Variants in POU4F3 observed in about 807,000 individuals in gnomAD.
POU4F3 encodes POU class 4 homeobox 3, also known as POU domain, class 4, transcription factor 3.
POU4F3 carries 7 observed loss-of-function variants against 22.0 expected under a neutral mutation model. The ratio of observed to expected loss-of-function variants is 0.32; its 90% CI spans 0.18 to 0.60. POU4F3 has a LOEUF of 0.60. Among genes scored for constraint, POU4F3 ranks in the 20% least tolerant of loss-of-function variants. The pLI is 0.85. For missense variants in POU4F3, 457 were observed against 467.4 expected (o/e 0.98, Z 0.21); for synonymous variants, 220 against 194.5 (o/e 1.13, Z -1.09).
rs1310448668 is a variant in POU4F3, at chr5:146,338,946, C to A, written c.-167C>A. The A allele has an allele frequency of 2.6e-6, 3 of 1,171,422 alleles. No individual in the cohort carries two copies. Among genetic ancestry groups the A allele is most frequent in the Non-Finnish European group, 3.7e-6 (3 of 818,806 alleles). 72.6% of individuals were successfully genotyped at this position (1,171,422 alleles called of 1,614,324 possible). On this transcript the variant is annotated 5_prime_UTR_variant, in exon 1 of 2. Coordinates refer to ENST00000646991, the MANE Select transcript of POU4F3 (RefSeq NM_002700.3). ...CTGCGCGCGCCCGGGCCCTTCCTGG[C>A]AGGCTGCTTGTAAGATGAGTGAAGA...
chr5:146,340,544 G>A lies in POU4F3; in HGVS notation c.*100G>A. On this transcript the variant is annotated 3_prime_UTR_variant, in exon 2 of 2. Transcript: ENST00000646991. The stretch of plus-strand genomic sequence containing the variant: ...GGAACTCCAAGGCGTTTCCTAGGCA[G>A]GTTAGGCTCTCTCCTCCGAAGCCAC... 6.8e-7 allele frequency: 1 copy of A among 1,472,818 alleles called. No homozygotes were observed. Among genetic ancestry groups the A allele is most frequent in the Non-Finnish European group, 9.3e-7 (1 of 1,073,638 alleles). The allele number at this position is 1,472,818 out of a possible 1,614,324, so 91.2% of individuals were successfully genotyped here. A position where few individuals can be genotyped will look rare whatever the true frequency, so the allele number is the denominator to read the frequency against.
Position 146,339,167 on chromosome 5 carries a change from C to A in POU4F3, c.55C>A (p.Pro19Thr). The change falls in exon 1 of 2, where the codon CCC becomes ACC. Residue 19 changes from proline (P) to threonine (T), a missense_variant. Pro to Thr is a conservative substitution (Grantham distance 38, BLOSUM62 -1). Around this residue, in one of 2 missense-constraint regions of POU4F3, gnomAD observed 410 missense variants for 385.0 expected, o/e 1.06. Coordinates refer to ENST00000646991, the MANE Select transcript of POU4F3 (RefSeq NM_002700.3). The surrounding 1 kb of genome is among the most constrained non-coding windows in gnomAD (Gnocchi z 4.7). ...CGGCATGCACCCGGTGCTGCAAGAA[C>A]CCAAATTCTCCAGTCTGCACTCTGG... The part of the protein sequence containing the change: ...PFGMHPVLQE[P>T]KFSSLHSGSE... 6.2e-7 allele frequency: 1 copy of A among 1,614,236 alleles called. No individual in the cohort carries two copies. The highest frequency in any genetic ancestry group is 8.5e-7 in the Non-Finnish European group (1 of 1,180,040).
chr5:146,340,754 CA>C lies in POU4F3; in HGVS notation c.*313del, dbSNP rs1760445377. 1 of 461,506 alleles carries C rather than the reference CA, an allele frequency of 2.2e-6. No individual in the cohort carries two copies. Among genetic ancestry groups the C allele is most frequent in the African/African-American group, 2.0e-5 (1 of 50,790 alleles). The allele number at this position is 461,506 out of a possible 1,614,324, so 28.6% of individuals were successfully genotyped here. ...CCGCACGACTTCAGAGCAGGAGCCCCAAAGCAGAGGACAGTCAATTGGCCCA... is the reference window on the plus strand; with the variant it reads ...CCGCACGACTTCAGAGCAGGAGCCCCAAGCAGAGGACAGTCAATTGGCCCA... On this transcript the variant is annotated 3_prime_UTR_variant, in exon 2 of 2. Transcript: ENST00000646991.
chr5:146,339,966 T>G lies in POU4F3; in HGVS notation c.539T>G (p.Val180Gly), dbSNP rs1344742706. The change falls in exon 2 of 2, where the codon GTG (valine) becomes GGG (glycine). Residue 180 changes from valine (V) to glycine (G), a missense_variant. This residue lies in a region of POU4F3 where 410 missense variants were observed against 385.0 expected (regional missense o/e 1.06). Coordinates refer to ENST00000646991, the MANE Select transcript of POU4F3 (RefSeq NM_002700.3). This position sits in a 1 kb window ranked among gnomAD's most constrained non-coding sequence, Gnocchi z 4.7. ...GCCATGCCTGCATGCCTCAGCGACG[T>G]GGAGTCAGACCCGCGCGAGCTGGAA... is the stretch of plus-strand genomic sequence containing the variant. ...HSAMPACLSDVESDPRELEAF... is the reference protein window; with the variant it reads ...HSAMPACLSDGESDPRELEAF... 6.2e-7 allele frequency: 1 copy of G among 1,612,062 alleles called. No homozygotes were observed. Among genetic ancestry groups the G allele is most frequent in the Non-Finnish European group, 8.5e-7 (1 of 1,179,892 alleles).
In POU4F3 at chr5:146,340,529, G is replaced by T; in HGVS notation, c.*85G>T. 1 of 1,561,166 alleles carries T rather than the reference G, an allele frequency of 6.4e-7. No homozygotes were observed. The highest frequency in any genetic ancestry group is 1.1e-5 in the South Asian group (1 of 88,392). On this transcript the variant is annotated 3_prime_UTR_variant, in exon 2 of 2. Coordinates refer to ENST00000646991, the MANE Select transcript of POU4F3 (RefSeq NM_002700.3). Reference sequence around the variant, plus strand: ...GGGGGATGGTTATCGGGAACTCCAAGGCGTTTCCTAGGCAGGTTAGGCTCT... The same window carrying T: ...GGGGGATGGTTATCGGGAACTCCAATGCGTTTCCTAGGCAGGTTAGGCTCT...
chr5:146,340,008 T>A lies in POU4F3; in HGVS notation c.581T>A (p.Phe194Tyr), dbSNP rs1760429015. 1 of 1,613,618 alleles carries A rather than the reference T, an allele frequency of 6.2e-7. No individual in the cohort carries two copies. Among genetic ancestry groups the A allele is most frequent in the East Asian group, 2.2e-5 (1 of 44,862 alleles). The change falls in exon 2 of 2, where the codon TTC (phenylalanine) becomes TAC (tyrosine). Residue 194 changes from phenylalanine (F) to tyrosine (Y), a missense_variant. By Grantham distance (22) the Phe-to-Tyr change is conservative. Transcript: ENST00000646991. ...GAGCTGGAAGCCTTCGCCGAGCGCT[T>A]CAAGCAGCGGCGCATCAAGCTGGGG... Reference protein sequence around the residue: ...PRELEAFAERFKQRRIKLGVT... With the variant: ...PRELEAFAERYKQRRIKLGVT...
In POU4F3 at chr5:146,340,460, G is replaced by A. The variant is rs13169862; in HGVS notation, c.*16G>A. The stretch of plus-strand genomic sequence containing the variant: ...TGTCCACTGATTGCGGCAGGGCGCA[G>A]CGTCGGGAGCCGGGAGAGCCTAGTG... On this transcript the variant is annotated 3_prime_UTR_variant, in exon 2 of 2. Coordinates refer to ENST00000646991, the MANE Select transcript of POU4F3 (RefSeq NM_002700.3). 6.2e-7 allele frequency: 1 copy of A among 1,613,558 alleles called. No individual in the cohort carries two copies. Among genetic ancestry groups the A allele is most frequent in the South Asian group, 1.1e-5 (1 of 91,070 alleles).
In POU4F3 at chr5:146,340,783, C is replaced by A; in HGVS notation, c.*339C>A. On this transcript the variant is annotated 3_prime_UTR_variant, in exon 2 of 2. Transcript: ENST00000646991. Reference sequence around the variant, plus strand: ...GCAGAGGACAGTCAATTGGCCCAACCGCCCGAAGCTAGGGTGAAAATGCCA... The same window carrying A: ...GCAGAGGACAGTCAATTGGCCCAACAGCCCGAAGCTAGGGTGAAAATGCCA... 1 of 408,152 alleles carries A rather than the reference C, an allele frequency of 2.5e-6. No individual in the cohort carries two copies. The highest frequency in any genetic ancestry group is 4.6e-6 in the Non-Finnish European group (1 of 219,732). 25.3% of individuals were successfully genotyped at this position (408,152 alleles called of 1,614,324 possible).
chr5:146,339,848 C>A lies in POU4F3; in HGVS notation c.421C>A (p.Pro141Thr), dbSNP rs139312280. ...GGGCGCTCCGGAACACTCGGTGATG[C>A]CCGCACAGATCCATCCACACCACCT... ...GLGAPEHSVM[P>T]AQIHPHHLGA... Residue 141 changes from proline (P) to threonine (T), a missense_variant, in exon 2 of 2, where the codon CCC becomes ACC. Pro to Thr is a conservative substitution (Grantham distance 38). Transcript: ENST00000646991. This position sits in a 1 kb window ranked among gnomAD's most constrained non-coding sequence, Gnocchi z 4.7. 72 of 1,608,374 alleles carry A rather than the reference C, an allele frequency of 4.5e-5. No homozygotes were observed. The African/African-American group carries it at 7.5e-4, about 17-fold the overall frequency.
chr5:146,340,497 C>G lies in POU4F3; in HGVS notation c.*53C>G. ...GGGAGAGCCTAGTGCTCATCCCTCC[C>G]GGGTTCGGGGGATGGTTATCGGGAA... On this transcript the variant is annotated 3_prime_UTR_variant, in exon 2 of 2. Transcript: ENST00000646991. 7.5e-6 allele frequency: 12 copies of G among 1,607,652 alleles called. No homozygotes were observed. Among genetic ancestry groups the G allele is most frequent in the Middle Eastern group, 2.1e-4 (1 of 4,878 alleles).
At position 146,340,106 on chromosome 5, in the gene POU4F3, A is replaced by G; in HGVS notation, c.679A>G (p.Thr227Ala). The G allele has an allele frequency of 6.2e-7, 1 of 1,614,174 alleles. No homozygotes were observed. Among genetic ancestry groups the G allele is most frequent in the Non-Finnish European group, 8.5e-7 (1 of 1,180,038 alleles). Reference sequence around the variant, plus strand: ...CGGCGTGGGCTCGCTGAGCCAAAGCACCATCTGCAGGTTCGAGTCTCTCAC... The same window carrying G: ...CGGCGTGGGCTCGCTGAGCCAAAGCGCCATCTGCAGGTTCGAGTCTCTCAC... ...IPGVGSLSQS[T>A]ICRFESLTLS... Residue 227 changes from threonine to alanine, a missense_variant, in exon 2 of 2, where the codon ACC becomes GCC. Thr to Ala is a moderately conservative substitution (Grantham distance 58). Transcript: ENST00000646991.
rs1161376409 is a variant in POU4F3, at chr5:146,338,853, G to C, written c.-260G>C. Reference sequence around the variant, plus strand: ...GCGGCCGCCGCGGGCGCAGAAAGGCGCGCCGCTAGCTGCTGTCTCTCCTCA... The same window carrying C: ...GCGGCCGCCGCGGGCGCAGAAAGGCCCGCCGCTAGCTGCTGTCTCTCCTCA... On this transcript the variant is annotated 5_prime_UTR_variant, in exon 1 of 2. Coordinates refer to ENST00000646991, the MANE Select transcript of POU4F3 (RefSeq NM_002700.3). 1.6e-6 allele frequency: 1 copy of C among 622,906 alleles called. No homozygotes were observed. The allele number at this position is 622,906 out of a possible 1,614,324, so 38.6% of individuals were successfully genotyped here. A position where few individuals can be genotyped will look rare whatever the true frequency, so the allele number is the denominator to read the frequency against.
rs1760405016 is a variant in POU4F3 at position 146,338,894 on chromosome 5, C to G, written c.-219C>G. Reference sequence around the variant, plus strand: ...TCTCTCCTCACCTCCCGGGCCGCCCCTGCGAGTCCCCGGCGCGTGAGCACG... The same window carrying G: ...TCTCTCCTCACCTCCCGGGCCGCCCGTGCGAGTCCCCGGCGCGTGAGCACG... On this transcript the variant is annotated 5_prime_UTR_variant, in exon 1 of 2. Coordinates refer to ENST00000646991, the MANE Select transcript of POU4F3 (RefSeq NM_002700.3). The G allele has an allele frequency of 1.3e-6, 1 of 744,976 alleles. No individual in the cohort carries two copies. The highest frequency in any genetic ancestry group is 1.7e-5 in the African/African-American group (1 of 57,240). The allele number at this position is 744,976 out of a possible 1,614,324, so 46.1% of individuals were successfully genotyped here. A position where few individuals can be genotyped will look rare whatever the true frequency, so the allele number is the denominator to read the frequency against.
chr5:146,339,668 C>T lies in POU4F3; in HGVS notation c.241C>T (p.His81Tyr). The change falls in exon 2 of 2, where the codon CAT becomes TAT. Residue 81 changes from histidine to tyrosine, a missense_variant. Physicochemically the swap from His to Tyr is moderately conservative, Grantham distance 83. This residue lies in a region of POU4F3 where 410 missense variants were observed against 385.0 expected (regional missense o/e 1.06). Coordinates refer to ENST00000646991, the MANE Select transcript of POU4F3 (RefSeq NM_002700.3). The surrounding 1 kb of genome is among the most constrained non-coding windows in gnomAD (Gnocchi z 4.7). ...NHPFKPDATY[H>Y]TMSSVPCTST... ...TCCGTTCAAGCCCGACGCCACCTAC[C>T]ATACCATGAGCAGCGTGCCCTGCAC... 1 of 1,614,230 alleles carries T rather than the reference C, an allele frequency of 6.2e-7. No homozygotes were observed. The highest frequency in any genetic ancestry group is 8.5e-7 in the Non-Finnish European group (1 of 1,180,046).
At position 146,339,044 on chromosome 5, in the gene POU4F3, G is replaced by T. The variant is rs779063123; in HGVS notation, c.-69G>T. The T allele has an allele frequency of 1.5e-4, 241 of 1,600,160 alleles. No individual in the cohort carries two copies. The highest frequency in any genetic ancestry group is 5.2e-4 in the Admixed American group (30 of 57,810). ...GCGGGCGCTGAGCAGCGCTCACTTG[G>T]AGAGCGGCAAGCAAGCTAGACAAGC... On this transcript the variant is annotated 5_prime_UTR_variant, in exon 1 of 2. Transcript: ENST00000646991. The surrounding 1 kb of genome is among the most constrained non-coding windows in gnomAD (Gnocchi z 4.7).
Position 146,339,278 on chromosome 5 carries a change from A to T in POU4F3, c.120+46A>T. The T allele has an allele frequency of 6.2e-7, 1 of 1,612,762 alleles. No homozygotes were observed. Among genetic ancestry groups the T allele is most frequent in the Non-Finnish European group, 8.5e-7 (1 of 1,178,962 alleles). On this transcript the variant is annotated intron_variant, in intron 1 of 1. Coordinates refer to ENST00000646991, the MANE Select transcript of POU4F3 (RefSeq NM_002700.3). The surrounding 1 kb of genome is among the most constrained non-coding windows in gnomAD (Gnocchi z 4.7). ...ACCGCTCTAAGGCACATTTTTTGACAGGCACTAGCTTCATGTTTTTTTCAT... is the reference window on the plus strand; with the variant it reads ...ACCGCTCTAAGGCACATTTTTTGACTGGCACTAGCTTCATGTTTTTTTCAT...
In POU4F3 at chr5:146,339,703, G is replaced by A. The variant is rs769345418; in HGVS notation, c.276G>A (p.Ser92=). The stretch of plus-strand genomic sequence containing the variant: ...GCAGCGTGCCCTGCACGTCCACTTC[G>A]TCCACCGTGCCCATCTCCCACCCAG... The part of the protein sequence containing the change: ...TMSSVPCTST[S]STVPISHPAA... The change falls in exon 2 of 2, where the codon TCG becomes TCA. Residue 92 remains serine, a synonymous_variant. Coordinates refer to ENST00000646991, the MANE Select transcript of POU4F3 (RefSeq NM_002700.3). This position sits in a 1 kb window ranked among gnomAD's most constrained non-coding sequence, Gnocchi z 4.7. The A allele has an allele frequency of 1.9e-6, 3 of 1,614,092 alleles. No homozygotes were observed. The South Asian group carries it at 3.3e-5, about 18-fold the overall frequency.
In POU4F3 at chr5:146,339,679, C is replaced by T. The variant is rs1760421131; in HGVS notation, c.252C>T (p.Ser84=). 1.2e-6 allele frequency: 2 copies of T among 1,614,254 alleles called. No individual in the cohort carries two copies. Among genetic ancestry groups the T allele is most frequent in the Non-Finnish European group, 1.7e-6 (2 of 1,180,034 alleles). Residue 84 remains serine (S), a synonymous_variant, in exon 2 of 2, where the codon AGC becomes AGT. Coordinates refer to ENST00000646991, the MANE Select transcript of POU4F3 (RefSeq NM_002700.3). The surrounding 1 kb of genome is among the most constrained non-coding windows in gnomAD (Gnocchi z 4.7). ...CCGACGCCACCTACCATACCATGAGCAGCGTGCCCTGCACGTCCACTTCGT... is the reference window on the plus strand; with the variant it reads ...CCGACGCCACCTACCATACCATGAGTAGCGTGCCCTGCACGTCCACTTCGT... ...FKPDATYHTM[S]SVPCTSTSST...
At position 146,339,357 on chromosome 5, in the gene POU4F3, T is replaced by C. The variant is rs558083020; in HGVS notation, c.120+125T>C. The C allele has an allele frequency of 6.5e-7, 1 of 1,539,014 alleles. No individual in the cohort carries two copies. Among genetic ancestry groups the C allele is most frequent in the Non-Finnish European group, 8.9e-7 (1 of 1,120,248 alleles). On this transcript the variant is annotated intron_variant, in intron 1 of 1. Transcript: ENST00000646991. The surrounding 1 kb of genome is among the most constrained non-coding windows in gnomAD (Gnocchi z 4.7). ...ACCCCTCTCCTTGTCTCCCCCGCGT[T>C]CTCTCCCGGCGCGCTCTCTCTCTCA...
Sources: allele counts gnomAD v4.1 joint callset, GRCh38; gene constraint gnomAD v4.1.1; regional missense constraint gnomAD v4.1.1; non-coding constraint Gnocchi (gnomAD v3.1); transcripts MANE v1.5; gene names NCBI Gene and HGNC (gene_info 2026-07-23, HGNC 2026-07-21).